TMOD1: variants seen among roughly 807,000 people sequenced by gnomAD.
TMOD1 encodes tropomodulin 1, also known as tropomodulin-1.
Under a neutral mutation model 40.6 loss-of-function variants are expected in TMOD1, and 17 were observed. The observed-to-expected ratio is 0.42, with a 90% CI of 0.29 to 0.63. The LOEUF is 0.63. Ranked by LOEUF, TMOD1 falls within the 20% of genes least tolerant of loss-of-function variation. The probability of loss-of-function intolerance (pLI) is 0.22; values close to 1 mark genes in which losing one functional copy is unlikely to be tolerated. For missense variants in TMOD1, 391 were observed against 447.6 expected (o/e 0.87, Z 1.14); for synonymous variants, 181 against 175.0 (o/e 1.03, Z -0.27).
intron 4 of TMOD1, among the ~76,000 whole-genome samples, chr9:97,558,868 C>T (rs570558781): frequency 2.0e-5 from 3 of 152,088 alleles, no homozygotes; most frequent in Non-Finnish European, 2.9e-5. Context: ...AACTGAGCGT[C>T]CCCCCAGCCC....
chr9:97,505,401 G>A (rs534177258), intron 1 of TMOD1, among the ~76,000 whole-genome samples: 88 of 152,302 alleles, frequency 5.8e-4, no homozygotes, highest in African/African-American at 1.8e-3. Context: ...GGGGCTTCAA[G>A]GGTGGTGACC....
intron 1 of TMOD1, among the ~76,000 whole-genome samples, chr9:97,509,237 T>G (rs1455519136): frequency 2.0e-5 from 3 of 152,218 alleles, no homozygotes; most frequent in Non-Finnish European, 4.4e-5. Context: ...CTTCTTCATC[T>G]GTAAAATGGG....
intron 2 of TMOD1, among the ~76,000 whole-genome samples, chr9:97,525,175 G>T (rs548789865): frequency 6.6e-6 from 1 of 152,220 alleles, no homozygotes; most frequent in East Asian, 1.9e-4. Context: ...CAGAAGAGGA[G>T]GTAAAGTCCA....
intron 2 of TMOD1, among the ~76,000 whole-genome samples, chr9:97,525,117 A>C (rs566302914): frequency 9.2e-5 from 14 of 152,220 alleles, no homozygotes; most frequent in African/African-American, 3.1e-4. Flanking sequence ...TCTGCCTAAC[A>C]TGATACAACT....
chr9:97,525,194 G>GT (rs1260023282), intron 2 of TMOD1, among the ~76,000 whole-genome samples: 1 of 152,222 alleles, frequency 6.6e-6, no homozygotes, highest in Non-Finnish European at 1.5e-5. Context: ...CATGAGTGAT[G>GT]TTTATTCTTC....
At chr9:97,586,877 A>G (rs998196523) in intron 8 of TMOD1, among the ~76,000 whole-genome samples, 6 of 152,164 alleles carry the variant, frequency 3.9e-5, no homozygotes, top group African/African-American at 1.4e-4. Flanking sequence ...CGCACGGTGC[A>G]CGCACCCACT....
At chr9:97,553,150 G>A in intron 3 of TMOD1, 131 bp from the exon 4 acceptor site, 2 of 1,362,832 alleles carry the variant, frequency 1.5e-6, no homozygotes, top group South Asian at 1.4e-5. Flanking sequence ...GTCCCCAGAG[G>A]GAGAAACCTG....
chr9:97,582,516 G>GT (rs1302777949), intron 8 of TMOD1, among the ~76,000 whole-genome samples: 3 of 143,172 alleles, frequency 2.1e-5, no homozygotes, highest in Non-Finnish European at 4.5e-5. Flanking sequence ...CTTTAAAGTA[G>GT]TTTTTTCCAA....
chr9:97,599,606 CT>C lies in TMOD1; in HGVS notation c.1016-26del, dbSNP rs772851038. 7 of 1,614,022 alleles carry C rather than the reference CT, an allele frequency of 4.3e-6. No individual in the cohort carries two copies. The South Asian group carries it at 6.6e-5, about 15-fold the overall frequency. On this transcript the variant is annotated intron_variant, in intron 9 of 9. Coordinates refer to ENST00000259365, the MANE Select transcript of TMOD1 (RefSeq NM_003275.4). ...GCCCCTGGTCTACAGGGAAAAGTGCCTTATATCTTATCTCCATTCCTTTCCA... is the reference window on the plus strand; with the variant it reads ...GCCCCTGGTCTACAGGGAAAAGTGCCTATATCTTATCTCCATTCCTTTCCA...
chr9:97,528,625 C>G (rs1420604583), intron 2 of TMOD1, among the ~76,000 whole-genome samples: 1 of 152,232 alleles, frequency 6.6e-6, no homozygotes, highest in South Asian at 2.1e-4. Flanking sequence ...GTTCTAGTTT[C>G]ACCCTCCCTT....
At chr9:97,520,297 C>G (rs911078101) in intron 1 of TMOD1, among the ~76,000 whole-genome samples, 30 of 152,178 alleles carry the variant, frequency 2.0e-4, no homozygotes, top group African/African-American at 6.8e-4. Context: ...CTATGAAGCT[C>G]AGGCCTGTGC....
In TMOD1 at chr9:97,601,688, T is replaced by A. The variant is rs995558720; in HGVS notation, c.*1990T>A. 19 of 590,284 alleles carry A rather than the reference T, an allele frequency of 3.2e-5. No individual in the cohort carries two copies. The African/African-American group carries it at 3.6e-4, about 11-fold the overall frequency. The allele number at this position is 590,284 out of a possible 1,614,324, so 36.6% of individuals were successfully genotyped here. A position where few individuals can be genotyped will look rare whatever the true frequency, so the allele number is the denominator to read the frequency against. On this transcript the variant is annotated 3_prime_UTR_variant, in exon 10 of 10. Coordinates refer to ENST00000259365, the MANE Select transcript of TMOD1 (RefSeq NM_003275.4). ...TGCAACTATTCAACTCTGCCATAGATCATGTGTAAAGGAATGGGTGTGGCT... is the reference window on the plus strand; with the variant it reads ...TGCAACTATTCAACTCTGCCATAGAACATGTGTAAAGGAATGGGTGTGGCT...
intron 1 of TMOD1, among the ~76,000 whole-genome samples, chr9:97,510,916 G>A (rs929387729): frequency 6.6e-6 from 1 of 152,122 alleles, no homozygotes; most frequent in Non-Finnish European, 1.5e-5. Flanking sequence ...GTGGAGTGCA[G>A]CATGGTTTGA....
intron 8 of TMOD1, among the ~76,000 whole-genome samples, chr9:97,580,597 C>T (rs1419772751): frequency 1.4e-5 from 2 of 147,706 alleles, no homozygotes; most frequent in African/African-American, 5.0e-5. Flanking sequence ...CAGAGTGAGA[C>T]TCTGTCTCAG....
rs58522887 is a variant in TMOD1 at position 97,559,772 on chromosome 9, T to TAA, written c.398-2938_398-2937dup. On this transcript the variant is annotated intron_variant, in intron 4 of 9. Transcript: ENST00000259365. ...AGAGCGAGACTCCGCCTCAAAAATT[T>TAA]AAAAAAAAAAAAAAAAAAAAAAATA... Among the ~76,000 whole-genome samples the TAA allele has an allele frequency of 5.8e-3, 215 of 36,774 alleles. 2 individuals carry two copies. Among genetic ancestry groups the TAA allele is most frequent in the Middle Eastern group, 0.015 (1 of 66 alleles). 24.1% of individuals were successfully genotyped at this position (36,774 alleles called of 152,430 possible). A position where few individuals can be genotyped will look rare whatever the true frequency, so the allele number is the denominator to read the frequency against.
chr9:97,592,287 A>G (rs894447473), intron 9 of TMOD1, among the ~76,000 whole-genome samples: 10 of 152,198 alleles, frequency 6.6e-5, no homozygotes, highest in African/African-American at 2.2e-4. Flanking sequence ...AGGGGGAAAA[A>G]AAACAAGAAA....
intron 9 of TMOD1, among the ~76,000 whole-genome samples, chr9:97,596,515 T>G (rs1826115327): frequency 6.6e-6 from 1 of 152,196 alleles, no homozygotes; most frequent in Non-Finnish European, 1.5e-5. Flanking sequence ...GCTATTGTTA[T>G]CCACACTTTA....
Position 97,510,237 on chromosome 9 carries a change from C to CTT in TMOD1, c.-49+8444_-49+8445dup, listed in dbSNP as rs11379458. On this transcript the variant is annotated intron_variant, in intron 1 of 9. Transcript: ENST00000259365. The stretch of plus-strand genomic sequence containing the variant: ...TTCCACAAGCTTTCCTACAAGTTAG[C>CTT]TTTTTTTTTTTGACACTGAGTCTCA... Among the ~76,000 whole-genome samples, 31 of 148,830 alleles carry CTT rather than the reference C, an allele frequency of 2.1e-4. 1 individual carries two copies. Among genetic ancestry groups the CTT allele is most frequent in the Middle Eastern group, 7.0e-3 (2 of 286 alleles).
chr9:97,586,753 G>C (rs565563691), intron 8 of TMOD1, among the ~76,000 whole-genome samples: 1 of 152,110 alleles, frequency 6.6e-6, no homozygotes, highest in East Asian at 1.9e-4. Context: ...ATTCGGGTGG[G>C]AGTGACCCGA....
Sources: gnomAD v4.1 joint callset for allele counts (sites outside exome capture counted in the v4.1 genomes callset) on GRCh38, gnomAD v4.1.1 for gene constraint, MANE v1.5 for transcripts, NCBI Gene and HGNC (gene_info 2026-07-23, HGNC 2026-07-21) for gene names.